RAP1GAP2: variants seen among roughly 807,000 people sequenced by gnomAD.
RAP1GAP2 encodes the protein rap1 GTPase-activating protein 2.
A neutral mutation model predicts 95.0 loss-of-function variants in RAP1GAP2; 27 were observed. The observed-to-expected ratio is 0.28, with a 90% CI of 0.21 to 0.39. The LOEUF (loss-of-function observed/expected upper bound fraction) is 0.39, where lower values mean the gene tolerates loss of function less well. RAP1GAP2 is among the 10% of genes least tolerant of loss of function. The pLI is 1.00. For synonymous variants in RAP1GAP2, 373 were observed against 380.9 expected, an observed-to-expected ratio of 0.98 and a Z score of 0.24; for missense variants, 771 against 970.0, an observed-to-expected ratio of 0.79 and a Z score of 2.72.
rs180777452 is a variant in RAP1GAP2, at chr17:2,882,493, C to T, written c.81-22791C>T. Among the ~76,000 whole-genome samples the T allele has an allele frequency of 2.4e-4, 37 of 151,834 alleles. 1 individual carries two copies. The highest frequency in any genetic ancestry group is 1.2e-4 in the Non-Finnish European group (8 of 67,928). On this transcript the variant is annotated intron_variant, in intron 2 of 24. Transcript: ENST00000254695. ...TTTTAGTAGAGACGGGGTTTCGCCA[C>T]GTTGGCCAGGCTGGTCTCCATCTCT...
At chr17:3,021,570 G>C (rs1396663643) in intron 19 of RAP1GAP2, among the ~76,000 whole-genome samples, 2 of 151,688 alleles carry the variant, frequency 1.3e-5, no homozygotes, top group East Asian at 3.9e-4. Flanking sequence ...TGAGCAGCTG[G>C]GACTACAGGC....
intron 3 of RAP1GAP2, among the ~76,000 whole-genome samples, chr17:2,941,124 G>A (rs1417008687): frequency 6.6e-6 from 1 of 152,180 alleles, no homozygotes; most frequent in Non-Finnish European, 1.5e-5. Flanking sequence ...CGCGTGGGCC[G>A]GGAACGGTGG....
intron 1 of RAP1GAP2, among the ~76,000 whole-genome samples, chr17:2,781,123 G>A (rs1372799673): frequency 6.6e-6 from 1 of 152,212 alleles, no homozygotes; most frequent in Non-Finnish European, 1.5e-5. Context: ...CTCTGGTTCT[G>A]GACTTTTGCA....
At chr17:2,771,071 A>T (rs1333088965) in intron 2 of RAP1GAP2, among the ~76,000 whole-genome samples, 1 of 151,998 alleles carries the variant, frequency 6.6e-6, no homozygotes, top group East Asian at 1.9e-4. Flanking sequence ...CAAACAAACA[A>T]CAAACAACAT....
chr17:2,834,088 A>T (rs2071027124), intron 2 of RAP1GAP2, among the ~76,000 whole-genome samples: 1 of 152,124 alleles, frequency 6.6e-6, no homozygotes, highest in African/African-American at 2.4e-5. Context: ...TTTGCTGAGA[A>T]TAACCTCGAC....
At chr17:2,980,469 A>G in intron 9 of RAP1GAP2, 104 bp downstream of exon 9, 1 of 1,154,348 alleles carries the variant, frequency 8.7e-7, no homozygotes, top group Admixed American at 1.9e-5. Context: ...GCCCTTAGAG[A>G]AGGGGAGGCC....
chr17:3,013,225 C>G (rs2151627216), intron 17 of RAP1GAP2, among the ~76,000 whole-genome samples: 1 of 152,326 alleles, frequency 6.6e-6, no homozygotes, highest in African/African-American at 2.4e-5. Flanking sequence ...AGGGAGGTAC[C>G]TGTAAGCCGG....
chr17:2,800,057 C>A, intron 1 of RAP1GAP2: 1 of 407,420 alleles, frequency 2.5e-6, no homozygotes, highest in Non-Finnish European at 3.3e-6. Context: ...GGGATGCTTG[C>A]GTCTTCCCAA....
chr17:2,861,345 T>C (rs2072378874), intron 2 of RAP1GAP2, among the ~76,000 whole-genome samples: 1 of 152,092 alleles, frequency 6.6e-6, no homozygotes, highest in Non-Finnish European at 1.5e-5. Flanking sequence ...AACTTTGCCT[T>C]CTTTACCTCT....
intron 1 of RAP1GAP2, among the ~76,000 whole-genome samples, chr17:2,780,042 C>T (rs1352863922): frequency 1.3e-5 from 2 of 152,014 alleles, no homozygotes; most frequent in Non-Finnish European, 2.9e-5. Flanking sequence ...GTACAGCATC[C>T]ACAAGCCTCC....
intron 3 of RAP1GAP2, among the ~76,000 whole-genome samples, chr17:2,920,840 G>A (rs1047481276): frequency 1.1e-4 from 16 of 152,132 alleles, no homozygotes; most frequent in African/African-American, 1.2e-4. Context: ...GCTCAGCAGC[G>A]GGATGCTGCC....
At chr17:2,764,838 C>T (rs1216963762) in intron 1 of RAP1GAP2, among the ~76,000 whole-genome samples, 1 of 152,184 alleles carries the variant, frequency 6.6e-6, no homozygotes, top group Non-Finnish European at 1.5e-5. Context: ...TGACAGGGCT[C>T]CCCAGGCACT....
In RAP1GAP2 at chr17:2,824,133, A is replaced by AG. The variant is rs1293464206; in HGVS notation, c.80+23583_80+23584insG. Among the ~76,000 whole-genome samples, 173 of 146,972 alleles carry AG rather than the reference A, an allele frequency of 1.2e-3. 2 individuals carry two copies. The highest frequency in any genetic ancestry group is 1.9e-3 in the Admixed American group (27 of 14,518). On this transcript the variant is annotated intron_variant, in intron 2 of 24. Coordinates refer to ENST00000254695, the MANE Select transcript of RAP1GAP2 (RefSeq NM_015085.5). ...GCAAGACTGTCTCAAAAAAAAAAAA[A>AG]AAAGAAAGAAAGAAAAAAAGAAACA...
chr17:2,922,216 G>A (rs571859315), intron 3 of RAP1GAP2, among the ~76,000 whole-genome samples: 8 of 152,322 alleles, frequency 5.3e-5, no homozygotes, highest in South Asian at 2.1e-4. Flanking sequence ...GGAGGAAGGC[G>A]GAAGGACAGA....
chr17:2,894,734 C>T (rs1291940429), intron 2 of RAP1GAP2, among the ~76,000 whole-genome samples: 2 of 152,134 alleles, frequency 1.3e-5, no homozygotes, highest in African/African-American at 2.4e-5. Flanking sequence ...AGCTCTCGGC[C>T]CCCCCTTTAC....
At chr17:2,940,196 C>T (rs1007044225) in intron 3 of RAP1GAP2, among the ~76,000 whole-genome samples, 3 of 152,116 alleles carry the variant, frequency 2.0e-5, no homozygotes, top group Non-Finnish European at 2.9e-5. Flanking sequence ...TGTTTGCCTG[C>T]CACGGGTCAT....
intron 17 of RAP1GAP2, among the ~76,000 whole-genome samples, chr17:3,013,962 A>G (rs1185269925): frequency 1.5e-5 from 2 of 129,572 alleles, no homozygotes; most frequent in East Asian, 4.4e-4. Context: ...TCCCACATGG[A>G]ATCCTTTCTG....
In RAP1GAP2 at chr17:2,957,806, C is replaced by T; in HGVS notation, c.201+12C>T. ...TGGAGAAAATGCAGGTGAGTACGTA[C>T]CCCCACCGTGGCGGGGAAGAAGCCC... On this transcript the variant is annotated intron_variant, in intron 4 of 24. Coordinates refer to ENST00000254695, the MANE Select transcript of RAP1GAP2 (RefSeq NM_015085.5). 1.9e-6 allele frequency: 3 copies of T among 1,583,806 alleles called. 1 individual carries two copies. Among genetic ancestry groups the T allele is most frequent in the South Asian group, 2.3e-5 (2 of 87,594 alleles).
At chr17:3,025,476 G>C (rs369582165) in intron 19 of RAP1GAP2, among the ~76,000 whole-genome samples, 3 of 152,212 alleles carry the variant, frequency 2.0e-5, no homozygotes, top group Non-Finnish European at 4.4e-5. Flanking sequence ...AAAGGAGAAG[G>C]ATATTGTTGG....
Sources: allele counts gnomAD v4.1 joint callset (sites outside exome capture counted in the v4.1 genomes callset), GRCh38; gene constraint gnomAD v4.1.1; transcripts MANE v1.5; gene names NCBI Gene and HGNC (gene_info 2026-07-23, HGNC 2026-07-21).